The following MYH15 variants were observed in gnomAD, a reference collection of about 807,000 sequenced individuals.
The protein encoded by MYH15 is myosin-15.
MYH15 carries 227 observed loss-of-function variants against 240.5 expected under a neutral mutation model. That is an observed-to-expected ratio of 0.94 (90% CI 0.85 to 1.05). MYH15 has a LOEUF of 1.05. Ranked by LOEUF, MYH15 falls within the 50% of genes least tolerant of loss-of-function variation. The pLI is 0.00. For missense variants in MYH15, 2,217 were observed against 2,247.5 expected (o/e 0.99, Z 0.27); for synonymous variants, 785 against 796.7 (o/e 0.99, Z 0.25).
chr3:108,492,679 G>T (rs574592940), intron 8 of MYH15, 84 bp from the exon 9 acceptor site: 63 of 940,342 alleles, frequency 6.7e-5, no homozygotes, highest in Non-Finnish European at 1.0e-4. Context: ...GAGCGCAGTG[G>T]CTCACAACTG....
rs559137266 is a variant in MYH15 at position 108,381,330 on chromosome 3, A to G, written c.*215T>C. 3 of 602,168 alleles carry G rather than the reference A, an allele frequency of 5.0e-6. No individual in the cohort carries two copies. The South Asian group carries it at 6.1e-5, about 12-fold the overall frequency. The allele number at this position is 602,168 out of a possible 1,614,324, so 37.3% of individuals were successfully genotyped here. A position where few individuals can be genotyped will look rare whatever the true frequency, so the allele number is the denominator to read the frequency against. ...TTAATCTGTCATGTGAAGCATTAGA[A>G]GGTAGTTTACTTGCATTTGAGGATC... On this transcript the variant is annotated 3_prime_UTR_variant, in exon 41 of 41. Coordinates refer to ENST00000693548, the MANE Select transcript of MYH15 (RefSeq NM_014981.3).
intron 21 of MYH15, among the ~76,000 whole-genome samples, chr3:108,447,600 C>T (rs1410679498): frequency 1.3e-5 from 2 of 150,808 alleles, no homozygotes; most frequent in African/African-American, 2.4e-5. Flanking sequence ...AAACTAAAAA[C>T]CACCAACCAG....
intron 25 of MYH15, among the ~76,000 whole-genome samples, 181 bp downstream of exon 25, chr3:108,437,373 C>T (rs1325105285): frequency 2.6e-5 from 4 of 151,378 alleles, no homozygotes; most frequent in Admixed American, 6.6e-5. Flanking sequence ...TGCATCTGGT[C>T]TCTTTACAAC....
chr3:108,467,077 C>T (rs560563375), intron 14 of MYH15, among the ~76,000 whole-genome samples: 1 of 151,976 alleles, frequency 6.6e-6, no homozygotes, highest in African/African-American at 2.4e-5. Flanking sequence ...TAACCCTTAT[C>T]ATAGTAGGTT....
At chr3:108,469,526 G>A (rs2083152803) in intron 14 of MYH15, among the ~76,000 whole-genome samples, 1 of 152,186 alleles carries the variant, frequency 6.6e-6, no homozygotes, top group African/African-American at 2.4e-5. Flanking sequence ...AAGCCATGAA[G>A]TATTGTCATA....
Position 108,501,783 on chromosome 3 carries a change from T to C in MYH15, c.268A>G (p.Met90Val). The C allele has an allele frequency of 6.2e-7, 1 of 1,614,156 alleles. No individual in the cohort carries two copies. Among genetic ancestry groups the C allele is most frequent in the Non-Finnish European group, 8.5e-7 (1 of 1,179,978 alleles). ...PEFEMIEDMAMLTHLNEASVL... is the reference protein window; with the variant it reads ...PEFEMIEDMAVLTHLNEASVL... Reference sequence around the variant, plus strand: ...GATGCCTCATTGAGGTGAGTCAGCATTGCCATGTCTTCAATCATTTCAAAC... The same window carrying C: ...GATGCCTCATTGAGGTGAGTCAGCACTGCCATGTCTTCAATCATTTCAAAC... The change falls in exon 3 of 41, where the codon ATG becomes GTG. Residue 90 changes from methionine (M) to valine (V), a missense_variant. Transcript: ENST00000693548.
rs147124907 is a variant in MYH15, at chr3:108,399,032, C to T, written c.4929+43G>A. ...CTTAGTTTGCTTCCATAAGCAGAAA[C>T]ATTTTCCACCCCTCCCTACCCCATC... On this transcript the variant is annotated intron_variant, in intron 34 of 40. Coordinates refer to ENST00000693548, the MANE Select transcript of MYH15 (RefSeq NM_014981.3). The T allele has an allele frequency of 1.9e-4, 307 of 1,581,554 alleles. 3 individuals carry two copies. In the East Asian group the frequency reaches 6.8e-3, roughly 35 times the overall value.
Position 108,410,682 on chromosome 3 carries a change from C to A in MYH15, c.4396G>T (p.Val1466Phe). The stretch of plus-strand genomic sequence containing the variant: ...AGGAGCTCTGTACTGAGAGCCTGAA[C>A]TTCCTTCTGAGAGGCATCCAGCAAC... ...QALLDASQKEVQALSTELLKL... is the reference protein window; with the variant it reads ...QALLDASQKEFQALSTELLKL... Residue 1466 changes from valine to phenylalanine, a missense_variant, in exon 31 of 41, where the codon GTT becomes TTT. Physicochemically the swap from Val to Phe is conservative, Grantham distance 50. Transcript: ENST00000693548. 1 of 1,614,210 alleles carries A rather than the reference C, an allele frequency of 6.2e-7. No individual in the cohort carries two copies.
At chr3:108,458,028 A>C (rs1386388420) in intron 18 of MYH15, among the ~76,000 whole-genome samples, 1 of 151,734 alleles carries the variant, frequency 6.6e-6, no homozygotes, top group Non-Finnish European at 1.5e-5. Context: ...AGTCTCAGCA[A>C]CAGAGCAAGA....
Position 108,381,322 on chromosome 3 carries a change from G to C in MYH15, c.*223C>G. The C allele has an allele frequency of 1.7e-6, 1 of 592,736 alleles. No individual in the cohort carries two copies. Among genetic ancestry groups the C allele is most frequent in the Non-Finnish European group, 3.0e-6 (1 of 331,522 alleles). 36.7% of individuals were successfully genotyped at this position (592,736 alleles called of 1,614,324 possible). A position where few individuals can be genotyped will look rare whatever the true frequency, so the allele number is the denominator to read the frequency against. On this transcript the variant is annotated 3_prime_UTR_variant, in exon 41 of 41. Coordinates refer to ENST00000693548, the MANE Select transcript of MYH15 (RefSeq NM_014981.3). ...CCATTTATTTAATCTGTCATGTGAA[G>C]CATTAGAAGGTAGTTTACTTGCATT...
At chr3:108,482,021 G>A (rs2083271587) in intron 11 of MYH15, among the ~76,000 whole-genome samples, 1 of 152,054 alleles carries the variant, frequency 6.6e-6, no homozygotes, top group African/African-American at 2.4e-5. Flanking sequence ...TGCAAGCAGG[G>A]AGACCAGGAA....
At chr3:108,509,107 T>C (rs1416906778) in intron 1 of MYH15, among the ~76,000 whole-genome samples, 1 of 152,138 alleles carries the variant, frequency 6.6e-6, no homozygotes. Flanking sequence ...ATCACACTAC[T>C]TCCATTTGAC....
Position 108,415,648 on chromosome 3 carries a change from C to T in MYH15, c.3948+1164G>A, listed in dbSNP as rs1386888374. ...GTAAAACAAACACAGCAGATAAACA[C>T]GATCTAGAATGTTTGGCTCCTTCTC... On this transcript the variant is annotated intron_variant, in intron 29 of 40. Coordinates refer to ENST00000693548, the MANE Select transcript of MYH15 (RefSeq NM_014981.3). Among the ~76,000 whole-genome samples, 8 of 152,120 alleles carry T rather than the reference C, an allele frequency of 5.3e-5. No homozygotes were observed. In the South Asian group the frequency reaches 1.2e-3, roughly 24 times the overall value.
chr3:108,483,417 A>C (rs892970855), intron 11 of MYH15, among the ~76,000 whole-genome samples: 1 of 70,550 alleles, frequency 1.4e-5, no homozygotes, highest in South Asian at 2.9e-4. Context: ...TGGCTACTAT[A>C]AAAAAAAAAA....
intron 1 of MYH15, among the ~76,000 whole-genome samples, chr3:108,527,559 C>A (rs1463439990): frequency 2.0e-5 from 3 of 152,060 alleles, no homozygotes; most frequent in Non-Finnish European, 4.4e-5. Context: ...CCTATCTTAC[C>A]CCTAAGAAGT....
At position 108,454,109 on chromosome 3, in the gene MYH15, C is replaced by G. The variant is rs759370560; in HGVS notation, c.2296G>C (p.Glu766Gln). 2 of 1,610,790 alleles carry G rather than the reference C, an allele frequency of 1.2e-6. No homozygotes were observed. The highest frequency in any genetic ancestry group is 1.7e-6 in the Non-Finnish European group (2 of 1,177,750). Reference sequence around the variant, plus strand: ...GATAGTCTCTCATCTCTTATTGCTTCCAGTTGGCCCAGAAACCCAGCTTTA... The same window carrying G: ...GATAGTCTCTCATCTCTTATTGCTTGCAGTTGGCCCAGAAACCCAGCTTTA... ...FFKAGFLGQL[E>Q]AIRDERLSKV... Residue 766 changes from glutamate to glutamine, a missense_variant, in exon 21 of 41, where the codon GAA (glutamate) becomes CAA (glutamine). By Grantham distance (29) the Glu-to-Gln change is conservative. Coordinates refer to ENST00000693548, the MANE Select transcript of MYH15 (RefSeq NM_014981.3).
chr3:108,420,813 T>C (rs59015904), intron 28 of MYH15, among the ~76,000 whole-genome samples: 1 of 152,134 alleles, frequency 6.6e-6, no homozygotes, highest in Non-Finnish European at 1.5e-5. Context: ...GCCCCTCCCA[T>C]CCTTTGATCT....
chr3:108,437,620 T>C lies in MYH15; in HGVS notation c.3155A>G (p.Lys1052Arg). The C allele has an allele frequency of 6.2e-7, 1 of 1,614,168 alleles. No individual in the cohort carries two copies. Among genetic ancestry groups the C allele is most frequent in the Non-Finnish European group, 8.5e-7 (1 of 1,180,008 alleles). ...GTTCTCCATACTTTCCCGATTCAGC[T>C]TTAAATTGCCCTCCAGTTTGTGCAG... ...RELHKLEGNL[K>R]LNRESMENLE... is the part of the protein sequence containing the mutation. The change falls in exon 25 of 41, where the codon AAG becomes AGG. Residue 1052 changes from lysine (K) to arginine (R), a missense_variant. Lys to Arg is a conservative substitution (Grantham distance 26, BLOSUM62 2). Transcript: ENST00000693548.
In MYH15 at chr3:108,439,751, G is replaced by C. The variant is rs1343924771; in HGVS notation, c.3061C>G (p.Gln1021Glu). The C allele has an allele frequency of 6.2e-7, 1 of 1,603,656 alleles. No individual in the cohort carries two copies. Among genetic ancestry groups the C allele is most frequent in the Admixed American group, 1.7e-5 (1 of 58,184 alleles). The change falls in exon 24 of 41, where the codon CAG (glutamine) becomes GAG (glutamate). Residue 1021 changes from glutamine (Q) to glutamate (E), a missense_variant. Gln to Glu is a conservative substitution (Grantham distance 29). Transcript: ENST00000693548. ...SLSKANLKLE[Q>E]QVDELEGALE... ...CCGTTACTGACCTCATCAACTTGCT[G>C]TTCCAGCTTCAGATTTGCTTTGCTC...
Sources: gnomAD v4.1 joint callset for allele counts (sites outside exome capture counted in the v4.1 genomes callset) on GRCh38, gnomAD v4.1.1 for gene constraint, MANE v1.5 for transcripts, NCBI Gene and HGNC (gene_info 2026-07-23, HGNC 2026-07-21) for gene names.